Variants in CSMD1 observed in about 807,000 individuals in gnomAD.
The protein encoded by CSMD1 is CUB and Sushi multiple domains 1.
A neutral mutation model predicts 417.5 loss-of-function variants in CSMD1; 213 were observed. The ratio of observed to expected loss-of-function variants is 0.51; its 90% confidence interval spans 0.46 to 0.57. The LOEUF (loss-of-function observed/expected upper bound fraction) is 0.57, where lower values mean the gene tolerates loss of function less well. Ranked by LOEUF, CSMD1 falls within the 20% of genes least tolerant of loss-of-function variation. The pLI, the probability that CSMD1 is intolerant of heterozygous loss-of-function variation, is 0.00. For missense variants in CSMD1, 6,923 were observed against 4,529.7 expected, an observed-to-expected ratio of 1.53 and a Z score of -15.17; for synonymous variants, 2,862 against 1,736.8, an observed-to-expected ratio of 1.65 and a Z score of -16.11.
At chr8:4,205,843 C>T (rs1472384136) in intron 3 of CSMD1, among the ~76,000 whole-genome samples, 4 of 152,116 alleles carry the variant, frequency 2.6e-5, no homozygotes, top group African/African-American at 4.8e-5. Context: ...CATATGAGTA[C>T]AAATAAACAT....
intron 3 of CSMD1, among the ~76,000 whole-genome samples, chr8:4,247,539 G>C (rs1430872262): frequency 2.0e-5 from 3 of 152,062 alleles, no homozygotes; most frequent in Admixed American, 6.6e-5. Context: ...AGTACCCGAA[G>C]AATCAAAGGC....
chr8:4,764,882 A>AAACAAAAC (rs1563326762), intron 1 of CSMD1, among the ~76,000 whole-genome samples: 1 of 47,564 alleles, frequency 2.1e-5, no homozygotes, highest in African/African-American at 7.6e-5. Flanking sequence ...CAAAAAAAAA[A>AAACAAAAC]AAAAAAAAAA....
At chr8:4,138,954 C>T (rs777438218) in intron 3 of CSMD1, among the ~76,000 whole-genome samples, 1 of 152,126 alleles carries the variant, frequency 6.6e-6, no homozygotes, top group African/African-American at 2.4e-5. Context: ...CAAACATTGT[C>T]GAACACTCGC....
chr8:4,945,165 T>C (rs1224892948), intron 1 of CSMD1, among the ~76,000 whole-genome samples: 1 of 152,154 alleles, frequency 6.6e-6, no homozygotes, highest in Non-Finnish European at 1.5e-5. Context: ...AAATACTGAA[T>C]GATCCCAAAT....
intron 3 of CSMD1, among the ~76,000 whole-genome samples, chr8:4,143,004 T>C (rs112890770): frequency 2.8e-5 from 2 of 72,152 alleles, no homozygotes; most frequent in South Asian, 4.7e-4. Context: ...AAAAAAAAAA[T>C]GCTCTCCATT....
At chr8:4,914,112 T>C (rs1805888405) in intron 1 of CSMD1, among the ~76,000 whole-genome samples, 1 of 152,134 alleles carries the variant, frequency 6.6e-6, no homozygotes, top group Non-Finnish European at 1.5e-5. Context: ...ATGATTGATT[T>C]GTGTTGAGCT....
chr8:3,280,986 G>A (rs10100848), intron 26 of CSMD1, among the ~76,000 whole-genome samples: 114,056 of 151,854 alleles, frequency 0.75, 43,213 homozygotes, highest in Admixed American at 0.84. Flanking sequence ...GGAGTAAAAT[G>A]AAGTACATTC....
intron 8 of CSMD1, among the ~76,000 whole-genome samples, chr8:3,592,603 A>T (rs575600253): frequency 6.6e-6 from 1 of 152,214 alleles, no homozygotes; most frequent in South Asian, 2.1e-4. Flanking sequence ...GCTTAAGAGG[A>T]ACAAAGCTGT....
At position 4,713,589 on chromosome 8, in the gene CSMD1, C is replaced by CG. The variant is rs553336597; in HGVS notation, c.86-76032dup. ...GTTAATTTTTTATTTTTAGTAGAGA[C>CG]GGGGTTTCACCATATGATAATGCAT... On this transcript the variant is annotated intron_variant, in intron 1 of 69. Transcript: ENST00000635120. Among the ~76,000 whole-genome samples, 3 of 152,016 alleles carry CG rather than the reference C, an allele frequency of 2.0e-5. No homozygotes were observed. In the South Asian group the frequency reaches 6.2e-4, roughly 32 times the overall value.
intron 1 of CSMD1, among the ~76,000 whole-genome samples, chr8:4,949,310 A>G (rs1156853752): frequency 6.6e-6 from 1 of 152,190 alleles, no homozygotes; most frequent in Non-Finnish European, 1.5e-5. Context: ...TTTTGTTAAA[A>G]AAAAGTTATT....
At chr8:3,911,061 A>C (rs1411945946) in intron 5 of CSMD1, among the ~76,000 whole-genome samples, 1 of 152,170 alleles carries the variant, frequency 6.6e-6, no homozygotes, top group East Asian at 1.9e-4. Context: ...AACTCTAGAA[A>C]TTGGAGATGA....
At chr8:3,254,307 AT>A (rs745978299) in intron 26 of CSMD1, among the ~76,000 whole-genome samples, 2 of 151,672 alleles carry the variant, frequency 1.3e-5, no homozygotes, top group Non-Finnish European at 2.9e-5. Flanking sequence ...TGCCCTTAAC[AT>A]TTTTTCCTTC....
chr8:4,869,570 A>G (rs1802614806), intron 1 of CSMD1, among the ~76,000 whole-genome samples: 1 of 152,012 alleles, frequency 6.6e-6, no homozygotes, highest in Admixed American at 6.5e-5. Flanking sequence ...TGAAAAGCCT[A>G]TTTTGTGTTA....
chr8:3,955,199 G>A (rs966986668), intron 5 of CSMD1, among the ~76,000 whole-genome samples: 1 of 152,144 alleles, frequency 6.6e-6, no homozygotes, highest in African/African-American at 2.4e-5. Context: ...CACGTGCAGA[G>A]CACCTTGAAT....
chr8:3,982,756 G>A (rs566625777), intron 5 of CSMD1, among the ~76,000 whole-genome samples: 69 of 152,122 alleles, frequency 4.5e-4, no homozygotes, highest in Non-Finnish European at 6.6e-4. Flanking sequence ...GGAAGGAGCT[G>A]CCCACAGATA....
intron 5 of CSMD1, among the ~76,000 whole-genome samples, chr8:3,757,654 A>C (rs887109593): frequency 2.6e-5 from 4 of 152,038 alleles, no homozygotes; most frequent in African/African-American, 9.7e-5. Context: ...CCTGAGGTCA[A>C]GAGTTCAAGA....
intron 5 of CSMD1, among the ~76,000 whole-genome samples, chr8:3,767,496 C>A (rs1339100102): frequency 2.0e-5 from 3 of 152,196 alleles, no homozygotes; most frequent in Admixed American, 6.5e-5. Context: ...TCTACTTCCC[C>A]CAACCTAACT....
chr8:2,953,293 C>T (rs1585044425), intron 65 of CSMD1, among the ~76,000 whole-genome samples: 2 of 152,136 alleles, frequency 1.3e-5, no homozygotes, highest in African/African-American at 4.8e-5. Context: ...AAATTCCTTT[C>T]ATCATATTGG....
At chr8:4,566,401 C>T in intron 2 of CSMD1, among the ~76,000 whole-genome samples, 1 of 152,074 alleles carries the variant, frequency 6.6e-6, no homozygotes, top group South Asian at 2.1e-4. Context: ...TGCCTGTAAT[C>T]CCATCACTTT....
Sources: gnomAD v4.1 joint callset for allele counts (sites outside exome capture counted in the v4.1 genomes callset) on GRCh38, gnomAD v4.1.1 for gene constraint, MANE v1.5 for transcripts, NCBI Gene and HGNC (gene_info 2026-07-23, HGNC 2026-07-21) for gene names.